UVRAG: variants seen among roughly 807,000 people sequenced by gnomAD.
The protein encoded by UVRAG is UV radiation resistance-associated gene protein.
UVRAG carries 19 observed loss-of-function variants against 78.0 expected under a neutral mutation model. That is an observed-to-expected ratio of 0.24 (90% CI 0.17 to 0.36). The LOEUF is 0.36. Ranked by LOEUF, UVRAG falls within the 10% of genes least tolerant of loss-of-function variation. UVRAG has a pLI of 1.00. For missense variants in UVRAG, 740 were observed against 853.8 expected, an observed-to-expected ratio of 0.87 and a Z score of 1.66; for synonymous variants, 323 against 324.6, an observed-to-expected ratio of 1.00 and a Z score of 0.05.
intron 8 of UVRAG, among the ~76,000 whole-genome samples, chr11:75,993,701 T>C (rs1282490483): frequency 6.6e-6 from 1 of 152,212 alleles, no homozygotes; most frequent in African/African-American, 2.4e-5. Flanking sequence ...AGGTTTCTTA[T>C]TGTATTAGTC....
chr11:76,099,440 A>C (rs929394034), intron 13 of UVRAG, among the ~76,000 whole-genome samples: 7 of 152,162 alleles, frequency 4.6e-5, no homozygotes, highest in African/African-American at 1.4e-4. Flanking sequence ...ACAGGGCCTA[A>C]TCAATAGAAA....
At chr11:75,854,362 T>C (rs1946236954) in intron 2 of UVRAG, among the ~76,000 whole-genome samples, 1 of 152,218 alleles carries the variant, frequency 6.6e-6, no homozygotes, top group South Asian at 2.1e-4. Flanking sequence ...TCCATATCAA[T>C]TTCATTACAT....
intron 4 of UVRAG, among the ~76,000 whole-genome samples, chr11:75,881,116 G>T (rs1040275298): frequency 1.3e-5 from 2 of 151,516 alleles, no homozygotes; most frequent in African/African-American, 4.9e-5. Context: ...CTACAGGCAG[G>T]CGCCATCATG....
intron 13 of UVRAG, among the ~76,000 whole-genome samples, chr11:76,089,198 T>C (rs1951649599): frequency 6.6e-6 from 1 of 152,140 alleles, no homozygotes; most frequent in Non-Finnish European, 1.5e-5. Context: ...TGCAGGGCTT[T>C]GAGAAGTGGG....
At chr11:76,089,854 A>C (rs1177066117) in intron 13 of UVRAG, among the ~76,000 whole-genome samples, 3 of 152,002 alleles carry the variant, frequency 2.0e-5, no homozygotes, top group Non-Finnish European at 4.4e-5. Context: ...CTGTTCCCCC[A>C]TTCTACCTGA....
chr11:75,897,628 G>A (rs1334384038), intron 5 of UVRAG, among the ~76,000 whole-genome samples: 3 of 148,344 alleles, frequency 2.0e-5, no homozygotes, highest in East Asian at 2.0e-4. Flanking sequence ...AGGTTCAATC[G>A]GTTACCTGCT....
intron 14 of UVRAG, among the ~76,000 whole-genome samples, chr11:76,121,860 G>T (rs184552585): frequency 6.6e-6 from 1 of 152,264 alleles, no homozygotes; most frequent in African/African-American, 2.4e-5. Context: ...CACCACAGTG[G>T]CAGCTACAGA....
At chr11:75,844,678 CT>C (rs111624830) in intron 1 of UVRAG, among the ~76,000 whole-genome samples, 152 of 142,910 alleles carry the variant, frequency 1.1e-3, no homozygotes, top group African/African-American at 1.0e-3. Flanking sequence ...CTTTTCTTTT[CT>C]TTTTTTTTTT....
intron 13 of UVRAG, among the ~76,000 whole-genome samples, chr11:76,070,631 A>G (rs1010960388): frequency 6.6e-6 from 1 of 152,174 alleles, no homozygotes; most frequent in African/African-American, 2.4e-5. Context: ...AGTTTATTCA[A>G]CAGTATTTGT....
chr11:75,939,430 A>G (rs1164112735), intron 6 of UVRAG, among the ~76,000 whole-genome samples: 4 of 152,162 alleles, frequency 2.6e-5, no homozygotes, highest in African/African-American at 7.2e-5. Context: ...GTTACATAAT[A>G]TCCTCTAAAT....
At chr11:76,108,438 T>A (rs1313386057) in intron 13 of UVRAG, among the ~76,000 whole-genome samples, 1 of 152,230 alleles carries the variant, frequency 6.6e-6, no homozygotes, top group African/African-American at 2.4e-5. Context: ...TCTCCAGAGC[T>A]GCAAGTGGTC....
At position 75,939,733 on chromosome 11, in the gene UVRAG, C is replaced by T. The variant is rs192294885; in HGVS notation, c.594-21711C>T. ...GGCTGGTAATGAACTGGAGGTCCAA[C>T]GGGATGAAAAGGGAGGAAAAAGGAG... is the stretch of plus-strand genomic sequence containing the variant. On this transcript the variant is annotated intron_variant, in intron 6 of 14. Coordinates refer to ENST00000356136, the MANE Select transcript of UVRAG (RefSeq NM_003369.4). 1.5e-3 allele frequency among the ~76,000 whole-genome samples: 221 copies of T among 152,140 alleles called. 1 individual carries two copies. The highest frequency in any genetic ancestry group is 1.5e-3 in the Non-Finnish European group (100 of 67,988).
chr11:75,990,225 C>T (rs1949578640), intron 8 of UVRAG, among the ~76,000 whole-genome samples: 1 of 152,126 alleles, frequency 6.6e-6, no homozygotes, highest in South Asian at 2.1e-4. Context: ...GGCTTTGATT[C>T]AGAATGCCTT....
chr11:75,883,117 T>C (rs770704267), intron 4 of UVRAG, among the ~76,000 whole-genome samples: 5 of 152,198 alleles, frequency 3.3e-5, no homozygotes, highest in African/African-American at 1.2e-4. Context: ...AGTACTTGTT[T>C]CTCTTCTACT....
intron 6 of UVRAG, among the ~76,000 whole-genome samples, chr11:75,925,189 C>T (rs1351998362): frequency 6.6e-6 from 1 of 152,178 alleles, no homozygotes; most frequent in African/African-American, 2.4e-5. Context: ...TGGTGCCAGG[C>T]ATGTTCCAAG....
chr11:76,014,626 G>C (rs1950115403), intron 11 of UVRAG, among the ~76,000 whole-genome samples: 1 of 152,168 alleles, frequency 6.6e-6, no homozygotes, highest in South Asian at 2.1e-4. Flanking sequence ...CTCCACACCT[G>C]TATAGGTATT....
intron 12 of UVRAG, among the ~76,000 whole-genome samples, chr11:76,034,467 G>A (rs1950493717): frequency 6.6e-6 from 1 of 152,098 alleles, no homozygotes; most frequent in African/African-American, 2.4e-5. Context: ...CCAAAGTGCT[G>A]GGATTACAGT....
chr11:75,915,959 T>C (rs1007743095), intron 6 of UVRAG, among the ~76,000 whole-genome samples: 2 of 152,234 alleles, frequency 1.3e-5, no homozygotes, highest in Non-Finnish European at 2.9e-5. Context: ...TTAATGTGTC[T>C]AATCATATCT....
chr11:75,841,728 T>C (rs1430410237), intron 1 of UVRAG, among the ~76,000 whole-genome samples: 1 of 152,224 alleles, frequency 6.6e-6, no homozygotes, highest in Non-Finnish European at 1.5e-5. Context: ...TTGCCCTTGC[T>C]CCAAAGCAGA....
Sources: allele counts gnomAD v4.1 joint callset (sites outside exome capture counted in the v4.1 genomes callset), GRCh38; gene constraint gnomAD v4.1.1; transcripts MANE v1.5; gene names NCBI Gene and HGNC (gene_info 2026-07-23, HGNC 2026-07-21).